The following RUNDC3B variants were observed in gnomAD, a reference collection of about 807,000 sequenced individuals.
The protein encoded by RUNDC3B is RUN domain containing 3B.
Under a neutral mutation model 58.4 loss-of-function variants are expected in RUNDC3B, and 33 were observed. The observed-to-expected ratio is 0.56, with a 90% CI of 0.43 to 0.75. The LOEUF is 0.75. Ranked by LOEUF, RUNDC3B falls within the 30% of genes least tolerant of loss-of-function variation. RUNDC3B has a pLI of 0.00. For synonymous variants in RUNDC3B, 193 were observed against 195.2 expected, an observed-to-expected ratio of 0.99 and a Z score of 0.10; for missense variants, 501 against 535.7, an observed-to-expected ratio of 0.94 and a Z score of 0.64.
intron 7 of RUNDC3B, among the ~76,000 whole-genome samples, chr7:87,773,760 C>A (rs555789523): frequency 6.6e-6 from 1 of 152,168 alleles, no homozygotes; most frequent in East Asian, 1.9e-4. Context: ...TCACTGAAAC[C>A]TCCACCTCCT....
intron 6 of RUNDC3B, among the ~76,000 whole-genome samples, chr7:87,762,833 C>T (rs1833769086): frequency 6.6e-6 from 1 of 150,494 alleles, no homozygotes; most frequent in Non-Finnish European, 1.5e-5. Flanking sequence ...TTTCTGTGTC[C>T]TTATGTCTTT....
intron 1 of RUNDC3B, among the ~76,000 whole-genome samples, chr7:87,650,409 A>G (rs1823457429): frequency 6.6e-6 from 1 of 152,084 alleles, no homozygotes; most frequent in Admixed American, 6.6e-5. Flanking sequence ...CCCATTCCTC[A>G]TAGATGACAC....
intron 2 of RUNDC3B, among the ~76,000 whole-genome samples, chr7:87,681,528 G>GTAA (rs1826928060): frequency 6.6e-6 from 1 of 150,722 alleles, no homozygotes; most frequent in Admixed American, 6.6e-5. Flanking sequence ...TATTAAGTGT[G>GTAA]TAATAGCATT....
chr7:87,754,993 A>C (rs940806598), intron 6 of RUNDC3B, among the ~76,000 whole-genome samples: 6 of 149,080 alleles, frequency 4.0e-5, no homozygotes, highest in African/African-American at 1.2e-4. Flanking sequence ...CAGCCAAATT[A>C]TACCAGATAT....
At chr7:87,655,159 C>T (rs929826996) in intron 2 of RUNDC3B, among the ~76,000 whole-genome samples, 1 of 151,976 alleles carries the variant, frequency 6.6e-6, no homozygotes, top group Non-Finnish European at 1.5e-5. Flanking sequence ...CATTAGTCTT[C>T]TATGTGATTA....
intron 6 of RUNDC3B, among the ~76,000 whole-genome samples, chr7:87,759,483 G>C (rs972594789): frequency 1.3e-5 from 2 of 152,042 alleles, no homozygotes; most frequent in African/African-American, 4.8e-5. Context: ...AGTGGAATTG[G>C]AATGTTCCTA....
At position 87,824,074 on chromosome 7, in the gene RUNDC3B, G is replaced by A. The variant is rs981515311; in HGVS notation, c.1226-5811G>A. Among the ~76,000 whole-genome samples the A allele has an allele frequency of 3.3e-5, 5 of 152,148 alleles. 1 individual carries two copies. The highest frequency in any genetic ancestry group is 3.3e-4 in the Admixed American group (5 of 15,276). ...TAACTTTTAAAATTGATACATAATGGATATACATATTTTGGGGGTACATGT... is the reference window on the plus strand; with the variant it reads ...TAACTTTTAAAATTGATACATAATGAATATACATATTTTGGGGGTACATGT... On this transcript the variant is annotated intron_variant, in intron 10 of 10. Coordinates refer to ENST00000394654, the MANE Select transcript of RUNDC3B (RefSeq NM_001134405.2).
At chr7:87,658,978 C>T (rs1221816829) in intron 2 of RUNDC3B, among the ~76,000 whole-genome samples, 1 of 152,104 alleles carries the variant, frequency 6.6e-6, no homozygotes, top group Non-Finnish European at 1.5e-5. Flanking sequence ...ATGGCAAAAC[C>T]CTGTCTCTAC....
At chr7:87,674,627 G>A (rs987544386) in intron 2 of RUNDC3B, among the ~76,000 whole-genome samples, 1 of 152,058 alleles carries the variant, frequency 6.6e-6, no homozygotes, top group African/African-American at 2.4e-5. Context: ...TAAGCTGTGG[G>A]TGGGCTAGCA....
At position 87,634,268 on chromosome 7, in the gene RUNDC3B, A is replaced by G. The variant is rs550260131; in HGVS notation, c.122+5323A>G. ...ATCACATTGGAGATCAAATTTCAACATGTCATTTGATGGGGGCAGACCAAC... is the reference window on the plus strand; with the variant it reads ...ATCACATTGGAGATCAAATTTCAACGTGTCATTTGATGGGGGCAGACCAAC... On this transcript the variant is annotated intron_variant, in intron 1 of 10. Coordinates refer to ENST00000394654, the MANE Select transcript of RUNDC3B (RefSeq NM_001134405.2). Among the ~76,000 whole-genome samples the G allele has an allele frequency of 4.6e-5, 7 of 152,156 alleles. No individual in the cohort carries two copies. In the South Asian group the frequency reaches 1.5e-3, roughly 32 times the overall value.
Position 87,831,445 on chromosome 7 carries a change from T to C in RUNDC3B, c.*1415T>C, listed in dbSNP as rs1355702461. The C allele has an allele frequency of 6.6e-6, 1 of 151,956 alleles. No individual in the cohort carries two copies. Among genetic ancestry groups the C allele is most frequent in the Non-Finnish European group, 1.5e-5 (1 of 67,872 alleles). The allele number at this position is 151,956 out of a possible 1,614,324, so 9.4% of individuals were successfully genotyped here. Reference sequence around the variant, plus strand: ...AAGTAGTAACAAGGCAAGTCTTTTATGTAAGACAGTCAAACAGTGTCACTT... The same window carrying C: ...AAGTAGTAACAAGGCAAGTCTTTTACGTAAGACAGTCAAACAGTGTCACTT... On this transcript the variant is annotated 3_prime_UTR_variant, in exon 11 of 11. Transcript: ENST00000394654.
rs185093260 is a variant in RUNDC3B at position 87,817,127 on chromosome 7, C to T, written c.1225+865C>T. Among the ~76,000 whole-genome samples, 328 of 152,320 alleles carry T rather than the reference C, an allele frequency of 2.2e-3. 1 individual carries two copies. The highest frequency in any genetic ancestry group is 7.0e-3 in the African/African-American group (291 of 41,578). On this transcript the variant is annotated intron_variant, in intron 10 of 10. Coordinates refer to ENST00000394654, the MANE Select transcript of RUNDC3B (RefSeq NM_001134405.2). ...GCCTCCAATTTTTACCCTGCCTTCT[C>T]TCTTGCAGTAAATATTGGCACTATA...
intron 4 of RUNDC3B, among the ~76,000 whole-genome samples, chr7:87,730,888 G>A (rs1438361633): frequency 1.3e-5 from 2 of 151,996 alleles, no homozygotes; most frequent in African/African-American, 4.8e-5. Flanking sequence ...TTGTTTGGTT[G>A]GGGGGAAGTA....
intron 2 of RUNDC3B, among the ~76,000 whole-genome samples, chr7:87,652,109 C>T (rs1585006767): frequency 6.6e-6 from 1 of 151,872 alleles, no homozygotes; most frequent in African/African-American, 2.4e-5. Context: ...AAATTTTATG[C>T]ATAAATTTAT....
At chr7:87,823,470 ATGAG>A (rs1837612807) in intron 10 of RUNDC3B, among the ~76,000 whole-genome samples, 1 of 150,860 alleles carries the variant, frequency 6.6e-6, no homozygotes, top group Admixed American at 6.6e-5. Context: ...GTTTGGTTAC[ATGAG>A]TAAGTTCTTT....
chr7:87,638,924 G>A (rs979425383), intron 1 of RUNDC3B, among the ~76,000 whole-genome samples: 9 of 152,008 alleles, frequency 5.9e-5, no homozygotes, highest in Admixed American at 2.6e-4. Flanking sequence ...AGGCCAAGGC[G>A]GGTGGATCAC....
intron 6 of RUNDC3B, among the ~76,000 whole-genome samples, chr7:87,748,845 G>GT (rs1832801332): frequency 1.3e-5 from 2 of 152,170 alleles, no homozygotes; most frequent in Admixed American, 1.3e-4. Context: ...TAATGACACC[G>GT]TGATTTCTAA....
At chr7:87,709,441 C>G (rs996031924) in intron 3 of RUNDC3B, 33 of 985,160 alleles carry the variant, frequency 3.3e-5, no homozygotes, top group Non-Finnish European at 3.9e-5. Context: ...ACTGCAGGTT[C>G]CCCTAGGCTT....
chr7:87,745,419 A>C (rs2130820257), intron 6 of RUNDC3B, among the ~76,000 whole-genome samples: 1 of 152,136 alleles, frequency 6.6e-6, no homozygotes, highest in East Asian at 1.9e-4. Context: ...GTCTGGTAAA[A>C]TTCTGTGAAT....
Sources: allele counts gnomAD v4.1 joint callset (sites outside exome capture counted in the v4.1 genomes callset), GRCh38; gene constraint gnomAD v4.1.1; transcripts MANE v1.5; gene names NCBI Gene and HGNC (gene_info 2026-07-23, HGNC 2026-07-21).